Variants in KCNIP4 observed in about 807,000 individuals in gnomAD.
KCNIP4 encodes the protein Kv channel-interacting protein 4.
KCNIP4 carries 12 observed loss-of-function variants against 34.0 expected under a neutral mutation model. That is an observed-to-expected ratio of 0.35 (90% CI 0.23 to 0.57). The LOEUF is 0.57. Among genes scored for constraint, KCNIP4 ranks in the 20% least tolerant of loss-of-function variants. KCNIP4 has a pLI of 0.83. For missense variants in KCNIP4, 238 were observed against 311.7 expected (o/e 0.76, Z 1.78); for synonymous variants, 124 against 102.2 (o/e 1.21, Z -1.29).
intron 1 of KCNIP4, among the ~76,000 whole-genome samples, chr4:21,334,814 C>T (rs530871732): frequency 6.6e-6 from 1 of 151,996 alleles, no homozygotes; most frequent in African/African-American, 2.4e-5. Context: ...ATGTGAAAGT[C>T]CAACTCTGTG....
chr4:21,068,812 A>G (rs1443251229), intron 1 of KCNIP4, among the ~76,000 whole-genome samples: 8 of 152,230 alleles, frequency 5.3e-5, no homozygotes, highest in Non-Finnish European at 1.2e-4. Flanking sequence ...GACCCACAAC[A>G]GCAGTAATCT....
At chr4:20,957,379 C>T (rs1425092646) in intron 1 of KCNIP4, among the ~76,000 whole-genome samples, 1 of 152,166 alleles carries the variant, frequency 6.6e-6, no homozygotes, top group Non-Finnish European at 1.5e-5. Flanking sequence ...CTGGTCTTAA[C>T]TTCATAATGT....
intron 1 of KCNIP4, among the ~76,000 whole-genome samples, chr4:21,184,655 A>G (rs578075851): frequency 2.6e-5 from 4 of 152,236 alleles, no homozygotes; most frequent in Admixed American, 1.3e-4. Context: ...TTTGTTCTGC[A>G]TTTGTATGGC....
At chr4:21,911,932 T>C (rs1019737814) in intron 1 of KCNIP4, among the ~76,000 whole-genome samples, 2 of 152,142 alleles carry the variant, frequency 1.3e-5, no homozygotes, top group Non-Finnish European at 1.5e-5. Flanking sequence ...CATACTTTCA[T>C]GTCACTAATT....
intron 1 of KCNIP4, among the ~76,000 whole-genome samples, chr4:21,802,044 A>G (rs1335740015): frequency 1.3e-5 from 2 of 151,730 alleles, no homozygotes; most frequent in Non-Finnish European, 2.9e-5. Context: ...TCATGGGAGA[A>G]AGAATGTTTA....
chr4:20,765,971 G>A (rs898797242), intron 3 of KCNIP4, among the ~76,000 whole-genome samples: 1 of 152,058 alleles, frequency 6.6e-6, no homozygotes, highest in Non-Finnish European at 1.5e-5. Flanking sequence ...TAATAAGGCA[G>A]TATTACTATT....
At chr4:21,484,832 T>C (rs1472699695) in intron 1 of KCNIP4, among the ~76,000 whole-genome samples, 2 of 152,204 alleles carry the variant, frequency 1.3e-5, no homozygotes, top group Admixed American at 1.3e-4. Flanking sequence ...TTGTCTTGCT[T>C]ATTTATTTAC....
At chr4:20,870,215 G>C (rs1723300554) in intron 2 of KCNIP4, among the ~76,000 whole-genome samples, 1 of 151,992 alleles carries the variant, frequency 6.6e-6, no homozygotes, top group African/African-American at 2.4e-5. Flanking sequence ...CCTGGTGGGA[G>C]GTGACTGGAT....
At chr4:21,060,654 A>G (rs761229115) in intron 1 of KCNIP4, among the ~76,000 whole-genome samples, 12 of 152,174 alleles carry the variant, frequency 7.9e-5, no homozygotes, top group Non-Finnish European at 1.3e-4. Context: ...CTCATAAGTA[A>G]GAATAGTTAA....
At chr4:21,037,616 C>T (rs972374570) in intron 1 of KCNIP4, among the ~76,000 whole-genome samples, 45 of 152,156 alleles carry the variant, frequency 3.0e-4, no homozygotes, top group African/African-American at 9.7e-4. Context: ...TTTCTTATAA[C>T]GTATTCTCAT....
intron 1 of KCNIP4, among the ~76,000 whole-genome samples, chr4:21,199,869 G>A (rs1756340348): frequency 6.6e-6 from 1 of 152,072 alleles, no homozygotes; most frequent in South Asian, 2.1e-4. Context: ...CCATAAAAAA[G>A]GAGGAGTTCA....
intron 3 of KCNIP4, among the ~76,000 whole-genome samples, chr4:20,796,555 G>A (rs1219542861): frequency 2.0e-5 from 3 of 150,970 alleles, no homozygotes; most frequent in African/African-American, 7.3e-5. Context: ...ACTCTGGAAA[G>A]CTCATTTATC....
chr4:21,735,308 A>T (rs1389427091), intron 1 of KCNIP4, among the ~76,000 whole-genome samples: 1 of 152,202 alleles, frequency 6.6e-6, no homozygotes, highest in Non-Finnish European at 1.5e-5. Context: ...CTCACTGAAC[A>T]TAGCAATTAT....
intron 1 of KCNIP4, among the ~76,000 whole-genome samples, chr4:21,548,090 A>G (rs1738282341): frequency 2.0e-5 from 3 of 152,110 alleles, no homozygotes; most frequent in African/African-American, 7.2e-5. Flanking sequence ...TATATGGCAT[A>G]TTGTTAATGC....
rs770366497 is a variant in KCNIP4 at position 21,304,030 on chromosome 4, T to TGAGAGAGAGAGAGAGAGAGAGAGAGA, written c.62-421347_62-421322dup. 1.2e-4 allele frequency: 34 copies of TGAGAGAGAGAGAGAGAGAGAGAGAGA among 288,678 alleles called. 1 individual carries two copies. The highest frequency in any genetic ancestry group is 3.3e-4 in the East Asian group (2 of 6,100). 17.9% of individuals were successfully genotyped at this position (288,678 alleles called of 1,614,324 possible). A position where few individuals can be genotyped will look rare whatever the true frequency, so the allele number is the denominator to read the frequency against. On this transcript the variant is annotated intron_variant, in intron 1 of 8. Transcript: ENST00000382152. ...GGAGAAAGGGGAGGAGGAGAGCGTA[T>TGAGAGAGAGAGAGAGAGAGAGAGAGA]GAGAGAGAGAGAGAGAGAGAGAGAG...
chr4:21,704,014 A>T (rs945128133), intron 1 of KCNIP4, among the ~76,000 whole-genome samples: 2 of 152,150 alleles, frequency 1.3e-5, no homozygotes, highest in Admixed American at 6.6e-5. Flanking sequence ...AAAATGCAGA[A>T]ATAGAGCCAC....
intron 1 of KCNIP4, among the ~76,000 whole-genome samples, chr4:21,692,667 C>A (rs1000580654): frequency 2.0e-5 from 3 of 151,738 alleles, no homozygotes; most frequent in African/African-American, 7.3e-5. Flanking sequence ...GAAATATAAT[C>A]TTGTTTTATC....
chr4:21,087,667 C>T (rs1248500828), intron 1 of KCNIP4, among the ~76,000 whole-genome samples: 1 of 152,146 alleles, frequency 6.6e-6, no homozygotes, highest in African/African-American at 2.4e-5. Flanking sequence ...TTCTCACTCA[C>T]TTCACAACAC....
At chr4:21,672,759 T>C (rs145150486) in intron 1 of KCNIP4, among the ~76,000 whole-genome samples, 41 of 152,336 alleles carry the variant, frequency 2.7e-4, no homozygotes, top group African/African-American at 9.1e-4. Flanking sequence ...ACAGTTCTTG[T>C]GGGTCAGGAC....
Sources: gnomAD v4.1 joint callset for allele counts (sites outside exome capture counted in the v4.1 genomes callset) on GRCh38, gnomAD v4.1.1 for gene constraint, MANE v1.5 for transcripts, NCBI Gene and HGNC (gene_info 2026-07-23, HGNC 2026-07-21) for gene names.